The following CORIN variants were observed in gnomAD, a reference collection of about 807,000 sequenced individuals.
CORIN encodes the protein atrial natriuretic peptide-converting enzyme.
In CORIN, 117 loss-of-function variants were observed where a neutral mutation model predicts 125.3. That is an observed-to-expected ratio of 0.93 (90% confidence interval 0.80 to 1.09). The LOEUF is 1.09. Ranked by LOEUF, CORIN falls within the 50% of genes least tolerant of loss-of-function variation. The pLI is 0.00. For missense variants in CORIN, 1,253 were observed against 1,306.7 expected (o/e 0.96, Z 0.63); for synonymous variants, 450 against 466.4 (o/e 0.96, Z 0.45).
At chr4:47,704,073 A>T (rs1414100791) in intron 5 of CORIN, among the ~76,000 whole-genome samples, 1 of 152,228 alleles carries the variant, frequency 6.6e-6, no homozygotes, top group African/African-American at 2.4e-5. Flanking sequence ...ACGCTGGTGG[A>T]ACACAGAGGT....
At position 47,639,137 on chromosome 4, in the gene CORIN, T is replaced by C. The variant is rs547256862; in HGVS notation, c.2198+2783A>G. Among the ~76,000 whole-genome samples the C allele has an allele frequency of 2.3e-5, 3 of 128,348 alleles. No homozygotes were observed. The Admixed American group carries it at 2.5e-4, about 11-fold the overall frequency. The allele number at this position is 128,348 out of a possible 152,430, so 84.2% of individuals were successfully genotyped here. ...TGATCCACTTGGAATTAGGGTATGC[T>C]GGTTCCGGACCCTACATACACACTA... On this transcript the variant is annotated intron_variant, in intron 16 of 21. Coordinates refer to ENST00000273857, the MANE Select transcript of CORIN (RefSeq NM_006587.4).
At chr4:47,736,040 A>AT (rs906310798) in intron 5 of CORIN, among the ~76,000 whole-genome samples, 3 of 151,006 alleles carry the variant, frequency 2.0e-5, no homozygotes, top group African/African-American at 7.3e-5. Flanking sequence ...AACACTGATG[A>AT]TTTTTTTATT....
intron 16 of CORIN, among the ~76,000 whole-genome samples, chr4:47,639,278 T>G (rs1354442528): frequency 2.0e-5 from 3 of 152,242 alleles, no homozygotes; most frequent in African/African-American, 7.2e-5. Context: ...ATAATTTTAA[T>G]AGAAATGCCA....
intron 3 of CORIN, among the ~76,000 whole-genome samples, chr4:47,764,712 G>T (rs533225977): frequency 5.3e-4 from 80 of 152,238 alleles, no homozygotes; most frequent in African/African-American, 1.8e-3. Context: ...CTAATGTAGA[G>T]GGTTATGTTA....
intron 21 of CORIN, among the ~76,000 whole-genome samples, chr4:47,598,301 A>G (rs1721326525): frequency 2.6e-5 from 4 of 152,196 alleles, no homozygotes; most frequent in Admixed American, 2.6e-4. Flanking sequence ...TGCTCCTGAT[A>G]TAGTAAAAAG....
intron 16 of CORIN, among the ~76,000 whole-genome samples, chr4:47,640,945 T>C (rs547960697): frequency 5.9e-5 from 9 of 152,346 alleles, no homozygotes; most frequent in African/African-American, 1.9e-4. Flanking sequence ...TCTAATTTAA[T>C]AGATCTTGGC....
chr4:47,674,525 T>C (rs746988338), intron 9 of CORIN, 25 bp from the exon 10 acceptor site: 2 of 1,419,902 alleles, frequency 1.4e-6, no homozygotes, highest in Non-Finnish European at 2.0e-6. Context: ...AAAGGCACAT[T>C]GGCTTTCATC....
chr4:47,654,158 T>A (rs1205763916), intron 12 of CORIN, among the ~76,000 whole-genome samples: 1 of 152,200 alleles, frequency 6.6e-6, no homozygotes, highest in African/African-American at 2.4e-5. Context: ...CCATACATAA[T>A]GGGCTCTGTG....
chr4:47,640,242 G>A (rs1170402988), intron 16 of CORIN, among the ~76,000 whole-genome samples: 1 of 152,072 alleles, frequency 6.6e-6, no homozygotes, highest in Admixed American at 6.5e-5. Context: ...AGCCAAAGGT[G>A]GGAATAATCC....
At chr4:47,660,172 A>G (rs576176314) in intron 12 of CORIN, among the ~76,000 whole-genome samples, 1 of 152,342 alleles carries the variant, frequency 6.6e-6, no homozygotes, top group Admixed American at 6.5e-5. Flanking sequence ...CTCTCACCAC[A>G]TACAAAAATC....
In CORIN at chr4:47,645,122, C is replaced by A; in HGVS notation, c.1916G>T (p.Gly639Val). Residue 639 changes from glycine (G) to valine (V), a missense_variant, in exon 14 of 22, where the codon GGG becomes GTG. By Grantham distance (109) the Gly-to-Val change is moderately radical. Coordinates refer to ENST00000273857, the MANE Select transcript of CORIN (RefSeq NM_006587.4). The stretch of plus-strand genomic sequence containing the variant: ...CATGTAATCAGGGCAGTCTGGGAAC[C>A]CATCGCAGATCACTGTGTGCTTCAA... The part of the protein sequence containing the change: ...QCLKHTVICD[G>V]FPDCPDYMDE... 1 of 1,612,744 alleles carries A rather than the reference C, an allele frequency of 6.2e-7. No homozygotes were observed. Among genetic ancestry groups the A allele is most frequent in the South Asian group, 1.1e-5 (1 of 90,946 alleles).
At position 47,595,797 on chromosome 4, in the gene CORIN, C is replaced by T; in HGVS notation, c.3053G>A (p.Gly1018Asp). ...GAAATATGACACATTACTATAAACG[C>T]CAGGCCCCAGGACTTTGGAAAAGCA... ...SVCFSKVLGP[G>D]VYSNVSYFVE... The change falls in exon 22 of 22, where the codon GGC becomes GAC. Residue 1018 changes from glycine (G) to aspartate (D), a missense_variant. By Grantham distance (94) the Gly-to-Asp change is moderately conservative. Transcript: ENST00000273857. 1.2e-6 allele frequency: 2 copies of T among 1,613,668 alleles called. No homozygotes were observed. Among genetic ancestry groups the T allele is most frequent in the Non-Finnish European group, 1.7e-6 (2 of 1,179,742 alleles).
intron 2 of CORIN, among the ~76,000 whole-genome samples, chr4:47,789,106 C>T (rs1730946619): frequency 6.6e-6 from 1 of 151,924 alleles, no homozygotes; most frequent in South Asian, 2.1e-4. Context: ...AGTTCTAGAC[C>T]ACCCTGACCC....
chr4:47,621,762 T>TA (rs1424292749), intron 19 of CORIN, among the ~76,000 whole-genome samples: 1 of 152,166 alleles, frequency 6.6e-6, no homozygotes, highest in Non-Finnish European at 1.5e-5. Flanking sequence ...TGTTTTTTTT[T>TA]ATGAGATTAA....
At chr4:47,703,892 G>A (rs1726425262) in intron 5 of CORIN, among the ~76,000 whole-genome samples, 1 of 152,202 alleles carries the variant, frequency 6.6e-6, no homozygotes, top group Admixed American at 6.5e-5. Context: ...ATAACTGGAG[G>A]AGAAAGTGGT....
At chr4:47,774,958 G>A (rs1202364733) in intron 3 of CORIN, among the ~76,000 whole-genome samples, 1 of 152,222 alleles carries the variant, frequency 6.6e-6, no homozygotes, top group African/African-American at 2.4e-5. Context: ...TTGGGCAGAA[G>A]GGGAAATGAG....
chr4:47,738,482 T>C (rs1728235583), intron 5 of CORIN, among the ~76,000 whole-genome samples: 1 of 152,164 alleles, frequency 6.6e-6, no homozygotes, highest in African/African-American at 2.4e-5. Flanking sequence ...TGGCCAGACA[T>C]GACAAAGAAC....
chr4:47,666,255 G>C (rs140870024), intron 10 of CORIN, among the ~76,000 whole-genome samples: 6 of 152,130 alleles, frequency 3.9e-5, no homozygotes, highest in African/African-American at 1.4e-4. Context: ...ATTGCATTCT[G>C]CCATATTCTT....
At chr4:47,752,629 C>T (rs968805100) in intron 4 of CORIN, among the ~76,000 whole-genome samples, 3 of 152,194 alleles carry the variant, frequency 2.0e-5, no homozygotes, top group African/African-American at 7.2e-5. Context: ...AGCCTACAGA[C>T]TGAGGGTCTT....
Sources: gnomAD v4.1 joint callset for allele counts (sites outside exome capture counted in the v4.1 genomes callset) on GRCh38, gnomAD v4.1.1 for gene constraint, MANE v1.5 for transcripts, NCBI Gene and HGNC (gene_info 2026-07-23, HGNC 2026-07-21) for gene names.